The following SLC19A1 variants were observed in gnomAD, a reference collection of about 807,000 sequenced individuals.
The protein encoded by SLC19A1 is reduced folate transporter.
Under a neutral mutation model 35.3 loss-of-function variants are expected in SLC19A1, and 37 were observed. The ratio of observed to expected loss-of-function variants is 1.05; its 90% confidence interval spans 0.81 to 1.38. The LOEUF is 1.38. SLC19A1 is among the 40% of genes most tolerant of loss of function. The pLI, the probability that SLC19A1 is intolerant of heterozygous loss-of-function variation, is 0.00. For missense variants in SLC19A1, 831 were observed against 826.9 expected (o/e 1.00, Z -0.06); for synonymous variants, 460 against 398.5 (o/e 1.15, Z -1.84).
At position 45,514,083 on chromosome 21, in the gene SLC19A1, T is replaced by TGCAGTGAGC. The variant is rs1472660245; in HGVS notation, c.*1566_*1574dup. The TGCAGTGAGC allele has an allele frequency of 1.3e-5, 2 of 152,580 alleles. No homozygotes were observed. Among genetic ancestry groups the TGCAGTGAGC allele is most frequent in the Non-Finnish European group, 2.9e-5 (2 of 68,366 alleles). The allele number at this position is 152,580 out of a possible 1,614,324, so 9.5% of individuals were successfully genotyped here. On this transcript the variant is annotated 3_prime_UTR_variant, in exon 6 of 6. Transcript: ENST00000311124. ...GACTCAGAGGCAGGCAGGCAGTGGG[T>TGCAGTGAGC]GCAGTGAGCAGGCTGCGGAGGGAGC...
At chr21:45,510,951 A>AC (rs373483892), downstream of SLC19A1, among the ~76,000 whole-genome samples, 60 of 98,804 alleles carry the variant, frequency 6.1e-4, no homozygotes, top group Admixed American at 1.1e-3. Flanking sequence ...ACACACCCAC[A>AC]ACACCCCACA....
intron 5 of SLC19A1, among the ~76,000 whole-genome samples, chr21:45,519,570 CAAAAA>C (rs57639933): frequency 3.5e-5 from 2 of 57,232 alleles, no homozygotes; most frequent in Non-Finnish European, 6.6e-5. Flanking sequence ...AACTTCTGAG[CAAAAA>C]AAAAAAAAAA....
At chr21:45,554,705 A>T (rs1437862704) in intron 1 of SLC19A1, among the ~76,000 whole-genome samples, 1 of 150,160 alleles carries the variant, frequency 6.7e-6, no homozygotes, top group African/African-American at 2.5e-5. Flanking sequence ...TCATTTATGG[A>T]TGGACATTTG....
rs1358892829 is a variant in SLC19A1, at chr21:45,515,007, G to A, written c.*651C>T. On this transcript the variant is annotated 3_prime_UTR_variant, in exon 6 of 6. Coordinates refer to ENST00000311124, the MANE Select transcript of SLC19A1 (RefSeq NM_194255.4). Reference sequence around the variant, plus strand: ...TGGACACACTTCAGAAGGACAGACAGGACCATGGAGGGCTGCCCTTAGGGT... The same window carrying A: ...TGGACACACTTCAGAAGGACAGACAAGACCATGGAGGGCTGCCCTTAGGGT... 1.3e-6 allele frequency: 2 copies of A among 1,529,124 alleles called. No homozygotes were observed. The highest frequency in any genetic ancestry group is 1.8e-6 in the Non-Finnish European group (2 of 1,140,844). 94.7% of individuals were successfully genotyped at this position (1,529,124 alleles called of 1,614,324 possible).
In SLC19A1 at chr21:45,531,539, G is replaced by GC; in HGVS notation, c.798dup (p.Leu267AlafsTer127). The GC allele has an allele frequency of 1.2e-6, 2 of 1,612,318 alleles. No individual in the cohort carries two copies. Among genetic ancestry groups the GC allele is most frequent in the Non-Finnish European group, 1.7e-6 (2 of 1,179,642 alleles). On this transcript the variant is annotated frameshift_variant, in exon 3 of 6. Transcript: ENST00000311124. LOFTEE classifies it high-confidence loss of function. ...ACCCACCAGAGGGACCACAGGCGCA[G>GC]CTGCGGCCGCCGCAGGCTGTCCCCC...
At chr21:45,537,719 T>TTGGGGGGGGGCCCCCCCCCCCCCCCCCC in intron 2 of SLC19A1, 52 bp downstream of exon 2, 1 of 319,776 alleles carries the variant, frequency 3.1e-6, no homozygotes, top group Non-Finnish European at 5.6e-6. Flanking sequence ...CAGACGCTGC[T>TTGGGGGGGGGCCCCCCCCCCCCCCCCCC]CCCCGCCCAC....
rs753873000 is a variant in SLC19A1 at position 45,505,221 on chromosome 21, C to T, written c.498-6609G>A. ...CATCGGCTACGAGGGGCGCCAGGGC[C>T]CTCCCGGCCCCCCAGGCCCCCCAGG... On this transcript the variant is annotated intron_variant, in intron 3 of 4. Transcript: ENST00000417954. 5 of 1,601,122 alleles carry T rather than the reference C, an allele frequency of 3.1e-6. No individual in the cohort carries two copies. Among genetic ancestry groups the T allele is most frequent in the East Asian group, 2.2e-5 (1 of 44,578 alleles).
At chr21:45,543,553 C>T (rs2078374780), upstream of SLC19A1, among the ~76,000 whole-genome samples, 1 of 152,236 alleles carries the variant, frequency 6.6e-6, no homozygotes, top group Non-Finnish European at 1.5e-5. Flanking sequence ...TCTTGGTCTC[C>T]CGCCCACCAG....
intron 1 of SLC19A1, among the ~76,000 whole-genome samples, chr21:45,555,729 C>T (rs2078554461): frequency 6.6e-6 from 1 of 152,028 alleles, no homozygotes; most frequent in South Asian, 2.1e-4. Flanking sequence ...GTGGGCTCCA[C>T]GCGAACGGCG....
At chr21:45,512,492 G>C, downstream of SLC19A1, 4 of 1,186,214 alleles carry the variant, frequency 3.4e-6, no homozygotes, top group South Asian at 5.2e-5. Context: ...CTGGCCCCAG[G>C]ACCTGGCTGC....
At chr21:45,535,196 G>A (rs1329386906) in intron 2 of SLC19A1, among the ~76,000 whole-genome samples, 1 of 152,204 alleles carries the variant, frequency 6.6e-6, no homozygotes, top group East Asian at 1.9e-4. Context: ...GGAGGGCGGG[G>A]GCTGCAGCTC....
chr21:45,537,719 T>TGGGGGGGGGGGCCC, intron 2 of SLC19A1, 52 bp downstream of exon 2: 1 of 319,776 alleles, frequency 3.1e-6, no homozygotes, highest in Non-Finnish European at 5.6e-6. Flanking sequence ...CAGACGCTGC[T>TGGGGGGGGGGGCCC]CCCCGCCCAC....
At chr21:45,511,056 ACACCCATCCACACCCC>A (rs1442561746), downstream of SLC19A1, 2 of 556,160 alleles carry the variant, frequency 3.6e-6, no homozygotes, top group Non-Finnish European at 6.2e-6. Flanking sequence ...ACAAACACCC[ACACCCATCCACACCCC>A]CACACACCAC....
intron 1 of SLC19A1, among the ~76,000 whole-genome samples, chr21:45,560,410 G>A (rs2078604089): frequency 6.6e-6 from 1 of 151,766 alleles, no homozygotes; most frequent in Non-Finnish European, 1.5e-5. Flanking sequence ...GACGCTATGT[G>A]GGAATGGGAT....
intron 1 of SLC19A1, among the ~76,000 whole-genome samples, chr21:45,556,475 TG>T (rs2078563381): frequency 6.6e-6 from 1 of 152,276 alleles, no homozygotes. Flanking sequence ...GCTTGAAATC[TG>T]TAATTCTTAT....
At position 45,506,074 on chromosome 21, in the gene SLC19A1, G is replaced by A. The variant is rs905841398; in HGVS notation, c.498-7462C>T. The A allele has an allele frequency of 6.5e-6, 10 of 1,534,192 alleles. No individual in the cohort carries two copies. The Admixed American group carries it at 1.7e-4, about 26-fold the overall frequency. On this transcript the variant is annotated intron_variant, in intron 3 of 4. Coordinates refer to the SLC19A1 transcript ENST00000417954. The stretch of plus-strand genomic sequence containing the variant: ...GCCCCGGACAGGGATGGGAGCAGGT[G>A]GCAGCCAGCGCTTCTTAAACTTTCA...
rs868713628 is a variant in SLC19A1, at chr21:45,516,010, G to A, written c.1424C>T (p.Ala475Val). 1.9e-6 allele frequency: 3 copies of A among 1,572,536 alleles called. No homozygotes were observed. Among genetic ancestry groups the A allele is most frequent in the African/African-American group, 1.3e-5 (1 of 74,468 alleles). Residue 475 changes from alanine to valine, a missense_variant, in exon 6 of 6, where the codon GCC (alanine) becomes GTC (valine). Transcript: ENST00000311124. ...TGCCTGTGCTGCCTTCTCCTCCGCG[G>A]CACTCCTCAGGCCCTGGGCCGGGGG... is the stretch of plus-strand genomic sequence containing the variant. ...RQPPAQGLRSAAEEKAAQALS... is the reference protein window; with the variant it reads ...RQPPAQGLRSVAEEKAAQALS...
At chr21:45,523,049 C>G (rs1454069860) in intron 5 of SLC19A1, among the ~76,000 whole-genome samples, 1 of 140,214 alleles carries the variant, frequency 7.1e-6, no homozygotes, top group Non-Finnish European at 1.6e-5. Flanking sequence ...AAATATAAAG[C>G]TTAATTTAAA....
rs2077621069 is a variant in SLC19A1 at position 45,526,375 on chromosome 21, A to G, written c.1152-417T>C. 3.3e-5 allele frequency among the ~76,000 whole-genome samples: 5 copies of G among 152,164 alleles called. No homozygotes were observed. In the South Asian group the frequency reaches 1.0e-3, roughly 32 times the overall value. Reference sequence around the variant, plus strand: ...CAGCCAGAAGGTGATTTTATATAATACCTGACAAACATTTGCAAGCCAAAG... The same window carrying G: ...CAGCCAGAAGGTGATTTTATATAATGCCTGACAAACATTTGCAAGCCAAAG... On this transcript the variant is annotated intron_variant, in intron 4 of 5. Coordinates refer to ENST00000311124, the MANE Select transcript of SLC19A1 (RefSeq NM_194255.4).
Sources: gnomAD v4.1 joint callset for allele counts (sites outside exome capture counted in the v4.1 genomes callset) on GRCh38, gnomAD v4.1.1 for gene constraint, MANE v1.5 for transcripts, NCBI Gene and HGNC (gene_info 2026-07-23, HGNC 2026-07-21) for gene names.